Variants in ARMH1 observed in about 807,000 individuals in gnomAD.
ARMH1 encodes the protein armadillo like helical domain containing 1, also known as armadillo-like helical domain containing protein 1.
Under a neutral mutation model 50.2 loss-of-function variants are expected in ARMH1, and 34 were observed. The observed-to-expected ratio is 0.68, with a 90% CI of 0.51 to 0.90. The LOEUF (loss-of-function observed/expected upper bound fraction) is 0.90, where lower values mean the gene tolerates loss of function less well. Ranked by LOEUF, ARMH1 falls within the 40% of genes least tolerant of loss-of-function variation. The pLI is 0.00. For synonymous variants in ARMH1, 221 were observed against 224.2 expected (o/e 0.99, Z 0.13); for missense variants, 538 against 553.9 (o/e 0.97, Z 0.29).
Position 44,681,139 on chromosome 1 carries a change from C to T in ARMH1, c.-23+6266C>T, listed in dbSNP as rs1479966110. Among the ~76,000 whole-genome samples the T allele has an allele frequency of 2.6e-5, 4 of 151,750 alleles. No individual in the cohort carries two copies. The highest frequency in any genetic ancestry group is 7.3e-5 in the African/African-American group (3 of 41,334). ...CCTCCCGAGTAGCTGGGACTGCAGG[C>T]GTCCACCACCATGCCCGGCTAACTT... On this transcript the variant is annotated intron_variant, in intron 1 of 11. Transcript: ENST00000535358. This position sits in a 1 kb window ranked among gnomAD's most constrained non-coding sequence, Gnocchi z 4.3.
intron 5 of ARMH1, among the ~76,000 whole-genome samples, chr1:44,703,085 A>C (rs1038720332): frequency 3.9e-5 from 6 of 152,210 alleles, no homozygotes; most frequent in African/African-American, 1.4e-4. Flanking sequence ...AGGATGTTTA[A>C]TGCTAAAAGA....
In ARMH1 at chr1:44,682,334, A is replaced by G. The variant is rs1645340102; in HGVS notation, c.-22-7342A>G. ...AAAGTCATTGATCGGCACTGCGGCA[A>G]GGTAGAGAGGGAAAGACAGATGGCC... is the stretch of plus-strand genomic sequence containing the variant. On this transcript the variant is annotated intron_variant, in intron 1 of 11. Transcript: ENST00000535358. The surrounding 1 kb of genome is among the most constrained non-coding windows in gnomAD (Gnocchi z 4.5). 3.3e-5 allele frequency among the ~76,000 whole-genome samples: 5 copies of G among 152,152 alleles called. No homozygotes were observed. The South Asian group carries it at 1.0e-3, about 31-fold the overall frequency.
intron 2 of ARMH1, among the ~76,000 whole-genome samples, chr1:44,691,182 C>T (rs879403391): frequency 1.3e-5 from 2 of 151,884 alleles, no homozygotes; most frequent in African/African-American, 2.4e-5. Context: ...CATTTGAACC[C>T]GGGAGGCGGA....
At chr1:44,685,828 A>G (rs1415513225) in intron 1 of ARMH1, among the ~76,000 whole-genome samples, 1 of 151,970 alleles carries the variant, frequency 6.6e-6, no homozygotes, top group Non-Finnish European at 1.5e-5. Context: ...GGGTTTCACC[A>G]TGTTGGCCAG....
At chr1:44,695,675 C>G (rs1327862190) in intron 2 of ARMH1, among the ~76,000 whole-genome samples, 2 of 152,012 alleles carry the variant, frequency 1.3e-5, no homozygotes, top group Admixed American at 1.3e-4. Flanking sequence ...CATGGTGGCT[C>G]ACCTCTGTAA....
Position 44,725,396 on chromosome 1 carries a change from A to G in ARMH1, c.1316A>G (p.Lys439Arg). The G allele has an allele frequency of 1.3e-6, 2 of 1,551,792 alleles. No homozygotes were observed. The highest frequency in any genetic ancestry group is 1.7e-6 in the Non-Finnish European group (2 of 1,147,002). Residue 439 changes from lysine to arginine, a missense_variant, in exon 12 of 12, where the codon AAG becomes AGG. Lys to Arg is a conservative substitution (Grantham distance 26). Transcript: ENST00000535358. ...LTHFEEDVES[K>R]E ...CACTTCGAGGAGGATGTAGAATCAA[A>G]GGAGTAACAGCCCCTGTGGCAAACC...
intron 1 of ARMH1, among the ~76,000 whole-genome samples, chr1:44,685,134 C>T (rs1336203710): frequency 6.6e-6 from 1 of 152,024 alleles, no homozygotes; most frequent in East Asian, 1.9e-4. Flanking sequence ...TTTAAAGAGC[C>T]CACCAAGGGC....
At position 44,697,181 on chromosome 1, in the gene ARMH1, T is replaced by C; in HGVS notation, c.275+11T>C. On this transcript the variant is annotated intron_variant, in intron 3 of 11. Transcript: ENST00000535358. ...ATCAGCTGTAAGCAGGTGAGTTCTGTTCTAGCGTGATTCTGGGGGTCTCAG... is the reference window on the plus strand; with the variant it reads ...ATCAGCTGTAAGCAGGTGAGTTCTGCTCTAGCGTGATTCTGGGGGTCTCAG... 1 of 1,549,632 alleles carries C rather than the reference T, an allele frequency of 6.5e-7. No homozygotes were observed. Among genetic ancestry groups the C allele is most frequent in the Non-Finnish European group, 8.7e-7 (1 of 1,144,752 alleles).
chr1:44,707,707 C>T (rs1053205600), intron 6 of ARMH1, among the ~76,000 whole-genome samples: 17 of 152,210 alleles, frequency 1.1e-4, no homozygotes, highest in Non-Finnish European at 1.8e-4. Context: ...CAAGCGCAAG[C>T]CACTGCACCC....
At position 44,682,746 on chromosome 1, in the gene ARMH1, C is replaced by T. The variant is rs1268730412; in HGVS notation, c.-22-6930C>T. Among the ~76,000 whole-genome samples the T allele has an allele frequency of 6.6e-6, 1 of 152,022 alleles. No individual in the cohort carries two copies. Among genetic ancestry groups the T allele is most frequent in the Admixed American group, 6.6e-5 (1 of 15,252 alleles). The stretch of plus-strand genomic sequence containing the variant: ...TTTGACACCAGCCTGGGCAACGAAG[C>T]AAGACCCCACCTCTACAAAAAATAA... On this transcript the variant is annotated intron_variant, in intron 1 of 11. Transcript: ENST00000535358. This position sits in a 1 kb window ranked among gnomAD's most constrained non-coding sequence, Gnocchi z 4.5.
At chr1:44,721,622 A>T (rs1647150997) in intron 6 of ARMH1, among the ~76,000 whole-genome samples, 2 of 152,140 alleles carry the variant, frequency 1.3e-5, no homozygotes, top group Admixed American at 6.5e-5. Flanking sequence ...AGACAGGCTT[A>T]TGAGGCTGAG....
At chr1:44,691,331 T>A (rs920953196) in intron 2 of ARMH1, among the ~76,000 whole-genome samples, 1 of 152,008 alleles carries the variant, frequency 6.6e-6, no homozygotes, top group African/African-American at 2.4e-5. Context: ...CTCCCTTTTC[T>A]CCACTTGCTG....
chr1:44,685,777 G>A lies in ARMH1; in HGVS notation c.-22-3899G>A, dbSNP rs12133398. 1.1e-4 allele frequency among the ~76,000 whole-genome samples: 16 copies of A among 152,012 alleles called. No individual in the cohort carries two copies. The East Asian group carries it at 2.1e-3, about 20-fold the overall frequency. On this transcript the variant is annotated intron_variant, in intron 1 of 11. Transcript: ENST00000535358. ...TGAGTAGCTGGGACTACAGGCACGC[G>A]CCACCACGCCCAGCTAATTTTTGTA...
intron 6 of ARMH1, among the ~76,000 whole-genome samples, chr1:44,720,068 G>A (rs1647027558): frequency 6.6e-6 from 1 of 152,056 alleles, no homozygotes; most frequent in Admixed American, 6.6e-5. Flanking sequence ...GTGGTGGCGG[G>A]CGCCTATAAT....
chr1:44,722,677 G>C (rs998628134), intron 6 of ARMH1, among the ~76,000 whole-genome samples: 1 of 152,028 alleles, frequency 6.6e-6, no homozygotes, highest in African/African-American at 2.4e-5. Context: ...CCGGGAGGCA[G>C]AGGTTGCAGT....
intron 6 of ARMH1, among the ~76,000 whole-genome samples, chr1:44,708,565 G>C (rs1444231824): frequency 6.6e-6 from 1 of 152,146 alleles, no homozygotes; most frequent in Non-Finnish European, 1.5e-5. Flanking sequence ...CATGTGTGTG[G>C]GGCAGAGTGG....
chr1:44,687,450 C>T (rs1645509851), intron 1 of ARMH1, among the ~76,000 whole-genome samples: 1 of 152,098 alleles, frequency 6.6e-6, no homozygotes, highest in South Asian at 2.1e-4. Flanking sequence ...AGTATAAGCT[C>T]GTTATTTGGA....
At chr1:44,716,216 C>T (rs1646845438) in intron 6 of ARMH1, among the ~76,000 whole-genome samples, 2 of 152,124 alleles carry the variant, frequency 1.3e-5, no homozygotes, top group Admixed American at 1.3e-4. Flanking sequence ...TCGTCCGCTC[C>T]CACAACTTTA....
chr1:44,714,769 G>A (rs1415527443), intron 6 of ARMH1, among the ~76,000 whole-genome samples: 1 of 152,086 alleles, frequency 6.6e-6, no homozygotes, highest in Non-Finnish European at 1.5e-5. Context: ...CTGGGCTCAA[G>A]TAAGTAGCTG....
Sources: allele counts gnomAD v4.1 joint callset (sites outside exome capture counted in the v4.1 genomes callset), GRCh38; gene constraint gnomAD v4.1.1; non-coding constraint Gnocchi (gnomAD v3.1); transcripts MANE v1.5; gene names NCBI Gene and HGNC (gene_info 2026-07-23, HGNC 2026-07-21).